MAMLD1: variants seen among roughly 807,000 people sequenced by gnomAD.
The protein encoded by MAMLD1 is mastermind like domain containing 1, also known as mastermind-like domain-containing protein 1.
MAMLD1 carries 14 observed loss-of-function variants against 45.0 expected under a neutral mutation model. That is an observed-to-expected ratio of 0.31 (90% CI 0.21 to 0.49). The LOEUF is 0.49. MAMLD1 is among the 20% of genes least tolerant of loss of function. The probability of loss-of-function intolerance (pLI) is 0.99; values close to 1 mark genes in which losing one functional copy is unlikely to be tolerated. For missense variants in MAMLD1, 543 were observed against 603.6 expected (o/e 0.90, Z 1.05); for synonymous variants, 254 against 247.8 (o/e 1.02, Z -0.24).
chrX:150,396,149 A>ATT (rs151164752), intron 1 of MAMLD1, among the ~76,000 whole-genome samples: 643 of 39,260 alleles, frequency 0.016, 62 homozygotes, highest in African/African-American at 0.023. Context: ...TACCTGGCTA[A>ATT]TTTTTTTTTT....
At chrX:150,402,047 C>A (rs1237906208) in intron 1 of MAMLD1, among the ~76,000 whole-genome samples, 1 of 111,755 alleles carries the variant, frequency 8.9e-6, no homozygotes, top group African/African-American at 3.3e-5. Flanking sequence ...AAAGTAATGG[C>A]AACAAAAGCC....
At position 150,510,005 on chromosome X, in the gene MAMLD1, G is replaced by T. The variant is rs1255718208; in HGVS notation, c.*3G>T. On this transcript the variant is annotated 3_prime_UTR_variant, in exon 7 of 8. Coordinates refer to ENST00000370401, the MANE Select transcript of MAMLD1 (RefSeq NM_005491.5). Reference sequence around the variant, plus strand: ...GGTCTTATGGCAATGACCCCTGAACGGCAGAATGCATATATCTCCCAACAG... The same window carrying T: ...GGTCTTATGGCAATGACCCCTGAACTGCAGAATGCATATATCTCCCAACAG... 8.3e-7 allele frequency: 1 copy of T among 1,207,456 alleles called. No individual in the cohort carries two copies. Among genetic ancestry groups the T allele is most frequent in the South Asian group, 1.8e-5 (1 of 56,809 alleles).
chrX:150,367,959 T>G (rs1376598900), intron 1 of MAMLD1, among the ~76,000 whole-genome samples: 5 of 111,672 alleles, frequency 4.5e-5, no homozygotes, highest in Admixed American at 1.9e-4. Context: ...CAGTCTATCA[T>G]TGATGGACAT....
Position 150,462,829 on chromosome X carries a change from C to T in MAMLD1, c.154C>T (p.Pro52Ser). ...TTTATCTTTTCTCTACAAGAGCAGC[C>T]CAGGAAGAAAGCATCAGGTAAGCAT... ...EDLSFLYKSS[P>S]GRKHQGTVKR... The change falls in exon 3 of 8, where the codon CCA becomes TCA. Residue 52 changes from proline to serine, a missense_variant. Coordinates refer to ENST00000370401, the MANE Select transcript of MAMLD1 (RefSeq NM_005491.5). The T allele has an allele frequency of 8.3e-7, 1 of 1,208,815 alleles. No individual in the cohort carries two copies. The highest frequency in any genetic ancestry group is 1.1e-6 in the Non-Finnish European group (1 of 893,081).
At chrX:150,387,245 T>C (rs979219935) in intron 1 of MAMLD1, among the ~76,000 whole-genome samples, 1 of 111,505 alleles carries the variant, frequency 9.0e-6, no homozygotes, top group Non-Finnish European at 1.9e-5. Flanking sequence ...TAATCATGCC[T>C]TGTTTTAAGT....
chrX:150,388,100 ATTC>A lies in MAMLD1; in HGVS notation c.-64+24576_-64+24578del, dbSNP rs782689615. 5.0e-3 allele frequency among the ~76,000 whole-genome samples: 559 copies of A among 111,877 alleles called. 2 individuals carry two copies. Among genetic ancestry groups the A allele is most frequent in the African/African-American group, 0.017 (539 of 30,864 alleles). On this transcript the variant is annotated intron_variant, in intron 1 of 7. Transcript: ENST00000370401. ...AAGACATTATGTAAAAGTGGCACTA[ATTC>A]TTCTTTAAACATCTGGGAAAATTCT... is the stretch of plus-strand genomic sequence containing the variant.
intron 1 of MAMLD1, among the ~76,000 whole-genome samples, chrX:150,423,065 C>T (rs1313006308): frequency 1.8e-5 from 2 of 111,650 alleles, no homozygotes; most frequent in African/African-American, 6.5e-5. Context: ...TCTCCTGGTC[C>T]TCAACCCCAT....
chrX:150,418,858 C>G (rs1362122472), intron 1 of MAMLD1, among the ~76,000 whole-genome samples: 1 of 97,876 alleles, frequency 1.0e-5, no homozygotes, highest in Non-Finnish European at 2.1e-5. Context: ...TTACTTCCAA[C>G]TATGTGGTCA....
chrX:150,369,443 G>T (rs2031784790), intron 1 of MAMLD1, among the ~76,000 whole-genome samples: 1 of 112,862 alleles, frequency 8.9e-6, no homozygotes, highest in Non-Finnish European at 1.9e-5. Context: ...ATTTTGAAGG[G>T]CAAGGATAAA....
chrX:150,494,404 A>G (rs1162011290), intron 5 of MAMLD1, among the ~76,000 whole-genome samples: 1 of 111,568 alleles, frequency 9.0e-6, no homozygotes, highest in Non-Finnish European at 1.9e-5. Flanking sequence ...AAAAACAAAC[A>G]AACAAAAAGA....
chrX:150,390,809 T>C (rs1557402151), intron 1 of MAMLD1, among the ~76,000 whole-genome samples: 1 of 112,529 alleles, frequency 8.9e-6, no homozygotes. Flanking sequence ...TCATTTCCTG[T>C]CTGTTTGAGA....
intron 6 of MAMLD1, 122 bp downstream of exon 6, chrX:150,503,639 G>T: frequency 2.0e-6 from 1 of 511,805 alleles, no homozygotes; most frequent in Non-Finnish European, 3.5e-6. Context: ...CAGCTCCGAA[G>T]GTAAAGCTCT....
At chrX:150,448,523 T>C (rs1360347593) in intron 2 of MAMLD1, among the ~76,000 whole-genome samples, 1 of 112,316 alleles carries the variant, frequency 8.9e-6, no homozygotes, top group African/African-American at 3.2e-5. Context: ...ATCTCAGTAA[T>C]GCAAGTACCT....
chrX:150,367,369 T>C (rs1053459184), intron 1 of MAMLD1, among the ~76,000 whole-genome samples: 1 of 111,479 alleles, frequency 9.0e-6, no homozygotes, highest in African/African-American at 3.3e-5. Context: ...AGCCAGCATG[T>C]TTAATGTATT....
chrX:150,402,023 T>C (rs2033791988), intron 1 of MAMLD1, among the ~76,000 whole-genome samples: 1 of 112,068 alleles, frequency 8.9e-6, no homozygotes, highest in African/African-American at 3.3e-5. Flanking sequence ...AAGGACTTCA[T>C]GTCTAAAACA....
chrX:150,449,530 G>A (rs782581501), intron 2 of MAMLD1, among the ~76,000 whole-genome samples: 21 of 111,632 alleles, frequency 1.9e-4, no homozygotes, highest in African/African-American at 6.2e-4. Flanking sequence ...CAAGATTTGC[G>A]CCCATCAGCT....
chrX:150,363,684 C>T (rs193167986), intron 1 of MAMLD1, among the ~76,000 whole-genome samples, 154 bp downstream of exon 1: 382 of 112,516 alleles, frequency 3.4e-3, no homozygotes, highest in Non-Finnish European at 5.7e-3. Context: ...ACACGGCCCA[C>T]CTGGCGCTGC....
At chrX:150,377,085 C>T (rs150447656) in intron 1 of MAMLD1, among the ~76,000 whole-genome samples, 1,384 of 113,311 alleles carry the variant, frequency 0.012, 9 homozygotes, top group Middle Eastern at 0.023. Context: ...CGAACAGCCA[C>T]CAACTTTGGG....
intron 5 of MAMLD1, among the ~76,000 whole-genome samples, chrX:150,477,423 G>C (rs1169483885): frequency 8.9e-6 from 1 of 112,122 alleles, no homozygotes; most frequent in Non-Finnish European, 1.9e-5. Context: ...CTGACCCCCA[G>C]GGGTGGACGG....
Sources: gnomAD v4.1 joint callset for allele counts (sites outside exome capture counted in the v4.1 genomes callset) on GRCh38, gnomAD v4.1.1 for gene constraint, MANE v1.5 for transcripts, NCBI Gene and HGNC (gene_info 2026-07-23, HGNC 2026-07-21) for gene names.